The following IMPA1 variants were observed in gnomAD, a reference collection of about 807,000 sequenced individuals.
IMPA1 encodes the protein D-galactose 1-phosphate phosphatase.
IMPA1 carries 21 observed loss-of-function variants against 34.9 expected under a neutral mutation model. That is an observed-to-expected ratio of 0.60 (90% confidence interval 0.43 to 0.87). The LOEUF (loss-of-function observed/expected upper bound fraction) is 0.87, where lower values mean the gene tolerates loss of function less well. Ranked by LOEUF, IMPA1 falls within the 40% of genes least tolerant of loss-of-function variation. The probability of loss-of-function intolerance (pLI) is 0.00; values close to 1 mark genes in which losing one functional copy is unlikely to be tolerated. For synonymous variants in IMPA1, 95 were observed against 104.4 expected, an observed-to-expected ratio of 0.91 and a Z score of 0.55; for missense variants, 299 against 336.4, an observed-to-expected ratio of 0.89 and a Z score of 0.87.
chr8:81,658,833 GATAT>G lies in IMPA1; in HGVS notation c.*514_*517del, dbSNP rs1483138995. 6.6e-6 allele frequency: 1 copy of G among 152,512 alleles called. No individual in the cohort carries two copies. The highest frequency in any genetic ancestry group is 1.5e-5 in the Non-Finnish European group (1 of 68,294). 9.4% of individuals were successfully genotyped at this position (152,512 alleles called of 1,614,324 possible). On this transcript the variant is annotated 3_prime_UTR_variant, in exon 9 of 9. Transcript: ENST00000256108. The stretch of plus-strand genomic sequence containing the variant: ...TACAATGTTTGTTTTTAGTTGCCTA[GATAT>G]GTAATGGGCCAGGTGCTATATGAAC...
At chr8:81,675,077 T>C (rs1411541235) in intron 5 of IMPA1, among the ~76,000 whole-genome samples, 3 of 152,148 alleles carry the variant, frequency 2.0e-5, no homozygotes, top group Non-Finnish European at 4.4e-5. Context: ...ACAAACTAAA[T>C]TTTCTTGCAT....
chr8:81,685,069 GAT>G (rs1491098046), intron 1 of IMPA1, among the ~76,000 whole-genome samples: 2 of 125,486 alleles, frequency 1.6e-5, no homozygotes, highest in African/African-American at 3.1e-5. Flanking sequence ...AGTATATTTA[GAT>G]ATATATACTA....
At chr8:81,669,260 A>G (rs1459399429) in intron 7 of IMPA1, among the ~76,000 whole-genome samples, 1 of 152,140 alleles carries the variant, frequency 6.6e-6, no homozygotes, top group Non-Finnish European at 1.5e-5. Flanking sequence ...CCATGAAAGC[A>G]GGACCACTAC....
chr8:81,667,314 G>A (rs1158373770), intron 7 of IMPA1, among the ~76,000 whole-genome samples: 1 of 152,148 alleles, frequency 6.6e-6, no homozygotes, highest in East Asian at 1.9e-4. Flanking sequence ...GGAGATTAAA[G>A]ATGAAATTTT....
At chr8:81,679,470 G>A (rs2957009) in intron 3 of IMPA1, among the ~76,000 whole-genome samples, 89 of 151,882 alleles carry the variant, frequency 5.9e-4, no homozygotes, top group East Asian at 1.4e-3. Context: ...AAAATTAGCC[G>A]GGCATGGTGG....
Position 81,658,482 on chromosome 8 carries a change from AATGTTATATTGTAT to A in IMPA1, c.*855_*868del. ...AAAACATGAATACTGAACTTAGTAA[AATGTTATATTGTAT>A]CTAATTATGTCAGATATCTGATGAG... is the stretch of plus-strand genomic sequence containing the variant. On this transcript the variant is annotated 3_prime_UTR_variant, in exon 9 of 9. Transcript: ENST00000256108. The A allele has an allele frequency of 1.3e-5, 2 of 152,482 alleles. No homozygotes were observed. Among genetic ancestry groups the A allele is most frequent in the Non-Finnish European group, 2.9e-5 (2 of 68,016 alleles). 9.4% of individuals were successfully genotyped at this position (152,482 alleles called of 1,614,324 possible).
intron 1 of IMPA1, 167 bp downstream of exon 1, chr8:81,686,085 C>T (rs1585908976): frequency 1.1e-6 from 1 of 946,100 alleles, no homozygotes; most frequent in South Asian, 2.4e-5. Flanking sequence ...TCGCCCAGGG[C>T]AGCTCCGGAT....
chr8:81,679,792 T>C (rs1807238922), intron 3 of IMPA1, among the ~76,000 whole-genome samples: 1 of 152,118 alleles, frequency 6.6e-6, no homozygotes, highest in South Asian at 2.1e-4. Flanking sequence ...GTAAGGTGTG[T>C]GCACACACAC....
At chr8:81,665,171 A>G (rs1806785931) in intron 7 of IMPA1, among the ~76,000 whole-genome samples, 1 of 152,322 alleles carries the variant, frequency 6.6e-6, no homozygotes, top group East Asian at 1.9e-4. Flanking sequence ...TCTCTCCCCC[A>G]AAACCAACAA....
Position 81,671,043 on chromosome 8 carries a change from A to C in IMPA1, c.462T>G (p.Ile154Met). Residue 154 changes from isoleucine to methionine, a missense_variant, in exon 7 of 9, where the codon ATT becomes ATG. Physicochemically the swap from Ile to Met is conservative, Grantham distance 10 (BLOSUM62 1). Transcript: ENST00000256108. ...QKLQVSQQED[I>M]TKSLLVTELG... ...ACTCAGTCACCAAGAGAGATTTGGT[A>C]ATATCTAAAAAGAAAGTGTTAGGTT... The C allele has an allele frequency of 6.9e-7, 1 of 1,450,454 alleles. No homozygotes were observed. The highest frequency in any genetic ancestry group is 1.5e-5 in the South Asian group (1 of 68,860). The allele number at this position is 1,450,454 out of a possible 1,614,324, so 89.8% of individuals were successfully genotyped here. A position where few individuals can be genotyped will look rare whatever the true frequency, so the allele number is the denominator to read the frequency against.
chr8:81,681,093 T>C (rs954780591), intron 2 of IMPA1, among the ~76,000 whole-genome samples: 12 of 152,170 alleles, frequency 7.9e-5, no homozygotes, highest in Admixed American at 7.2e-4. Flanking sequence ...GATCAAAGTG[T>C]ATATTTTATT....
rs1364359359 is a variant in IMPA1, at chr8:81,659,213, A to G, written c.*138T>C. 1.1e-5 allele frequency: 7 copies of G among 657,070 alleles called. No individual in the cohort carries two copies. In the African/African-American group the frequency reaches 1.3e-4, roughly 12 times the overall value. 40.7% of individuals were successfully genotyped at this position (657,070 alleles called of 1,614,324 possible). A position where few individuals can be genotyped will look rare whatever the true frequency, so the allele number is the denominator to read the frequency against. The stretch of plus-strand genomic sequence containing the variant: ...TTCTTGCAAACCTAGACATAGTAAA[A>G]TAAGAAACAAGTTCCAAATTTTTGA... On this transcript the variant is annotated 3_prime_UTR_variant, in exon 9 of 9. Transcript: ENST00000256108.
At chr8:81,678,347 C>A (rs114294948) in intron 4 of IMPA1, among the ~76,000 whole-genome samples, 166 of 152,248 alleles carry the variant, frequency 1.1e-3, no homozygotes, top group African/African-American at 3.9e-3. Flanking sequence ...AAAATACAAT[C>A]TTTTTAACAT....
At chr8:81,674,807 G>A (rs778671029) in intron 5 of IMPA1, 13 of 454,800 alleles carry the variant, frequency 2.9e-5, no homozygotes, top group Admixed American at 9.5e-5. Flanking sequence ...CCTCATAATC[G>A]GGGGAAGAAC....
chr8:81,679,266 A>G (rs1807221252), intron 3 of IMPA1, 36 bp from the exon 4 acceptor site: 3 of 1,256,054 alleles, frequency 2.4e-6, no homozygotes, highest in Non-Finnish European at 3.5e-6. Context: ...TAATCTTTAC[A>G]CTGATTTCAA....
At chr8:81,678,145 C>A (rs936914101) in intron 4 of IMPA1, among the ~76,000 whole-genome samples, 1 of 151,968 alleles carries the variant, frequency 6.6e-6, no homozygotes, top group African/African-American at 2.4e-5. Context: ...CCAGAATGCA[C>A]GTCTATTCAT....
chr8:81,669,791 A>G (rs1806936410), intron 7 of IMPA1, among the ~76,000 whole-genome samples: 1 of 152,212 alleles, frequency 6.6e-6, no homozygotes, highest in African/African-American at 2.4e-5. Flanking sequence ...TGTTCCCTCC[A>G]AAACTCATAT....
chr8:81,685,165 ATATT>A (rs1356332146), intron 1 of IMPA1, among the ~76,000 whole-genome samples: 3 of 135,914 alleles, frequency 2.2e-5, no homozygotes, highest in Non-Finnish European at 3.0e-5. Context: ...ATACATAAGT[ATATT>A]TAGATACTAT....
chr8:81,681,342 T>C (rs1328315353), intron 2 of IMPA1, among the ~76,000 whole-genome samples, 156 bp downstream of exon 2: 1 of 152,014 alleles, frequency 6.6e-6, no homozygotes, highest in Non-Finnish European at 1.5e-5. Context: ...GAGGCTGGAG[T>C]GAGCCATGTT....
Sources: allele counts gnomAD v4.1 joint callset (sites outside exome capture counted in the v4.1 genomes callset), GRCh38; gene constraint gnomAD v4.1.1; transcripts MANE v1.5; gene names NCBI Gene and HGNC (gene_info 2026-07-23, HGNC 2026-07-21).